Variants in NAV3 observed in about 807,000 individuals in gnomAD.
The protein encoded by NAV3 is pore membrane and/or filament interacting like protein 1.
A neutral mutation model predicts 244.7 loss-of-function variants in NAV3; 87 were observed. The ratio of observed to expected loss-of-function variants is 0.36; its 90% CI spans 0.30 to 0.42. The LOEUF is 0.42. Ranked by LOEUF, NAV3 falls within the 20% of genes least tolerant of loss-of-function variation. NAV3 has a pLI of 1.00. For synonymous variants in NAV3, 1,126 were observed against 1,042.2 expected, an observed-to-expected ratio of 1.08 and a Z score of -1.55; for missense variants, 2,663 against 2,893.3, an observed-to-expected ratio of 0.92 and a Z score of 1.83.
At chr12:77,737,788 C>T (rs962503301) in intron 2 of NAV3, among the ~76,000 whole-genome samples, 2 of 152,234 alleles carry the variant, frequency 1.3e-5, no homozygotes, top group African/African-American at 4.8e-5. Flanking sequence ...AAGAATTCAA[C>T]AGCCACTGTT....
chr12:77,661,501 T>G (rs749650464), intron 2 of NAV3, among the ~76,000 whole-genome samples: 50 of 152,122 alleles, frequency 3.3e-4, no homozygotes, highest in Non-Finnish European at 6.3e-4. Context: ...CTCTGTGGCT[T>G]GTCTTTTCAC....
intron 2 of NAV3, among the ~76,000 whole-genome samples, chr12:77,785,236 C>T (rs1870849011): frequency 6.6e-6 from 1 of 152,030 alleles, no homozygotes; most frequent in South Asian, 2.1e-4. Context: ...ACTTGTTCAG[C>T]ATTTGAAAAG....
At chr12:77,879,277 T>C (rs1882285882) in intron 1 of NAV3, among the ~76,000 whole-genome samples, 1 of 152,190 alleles carries the variant, frequency 6.6e-6, no homozygotes, top group South Asian at 2.1e-4. Flanking sequence ...ATAAACTCTT[T>C]ACACACTACA....
chr12:77,896,501 T>C (rs1884645109), intron 1 of NAV3, among the ~76,000 whole-genome samples: 1 of 152,150 alleles, frequency 6.6e-6, no homozygotes, highest in African/African-American at 2.4e-5. Context: ...ATATAAATAA[T>C]TGATGTGGAA....
At chr12:77,915,795 C>T (rs1014034402) in intron 1 of NAV3, among the ~76,000 whole-genome samples, 3 of 151,898 alleles carry the variant, frequency 2.0e-5, no homozygotes, top group African/African-American at 7.2e-5. Context: ...TTCCTGAATT[C>T]CCCATTCATT....
At chr12:77,787,749 G>A (rs1210527178) in intron 2 of NAV3, among the ~76,000 whole-genome samples, 2 of 152,230 alleles carry the variant, frequency 1.3e-5, no homozygotes, top group East Asian at 1.9e-4. Context: ...ACCATATCAT[G>A]GGGAAAACTG....
intron 2 of NAV3, among the ~76,000 whole-genome samples, chr12:77,757,465 A>G (rs1341321499): frequency 1.3e-5 from 2 of 152,220 alleles, no homozygotes; most frequent in African/African-American, 4.8e-5. Flanking sequence ...TTCATTCCTT[A>G]AACATATATT....
rs1892268392 is a variant in NAV3, at chr12:77,963,897, TTC to T, written c.415-2329_415-2328del. Among the ~76,000 whole-genome samples the T allele has an allele frequency of 3.1e-4, 6 of 19,320 alleles. No homozygotes were observed. The South Asian group carries it at 0.012, about 40-fold the overall frequency. The allele number at this position is 19,320 out of a possible 152,430, so 12.7% of individuals were successfully genotyped here. A position where few individuals can be genotyped will look rare whatever the true frequency, so the allele number is the denominator to read the frequency against. ...CTTCCTTCCTTCTCCTTCCTTCTCC[TTC>T]TCCTTCCTTCTCCTTCTCCTTCCTT... On this transcript the variant is annotated intron_variant, in intron 3 of 39. Coordinates refer to ENST00000397909, the MANE Select transcript of NAV3 (RefSeq NM_001024383.2).
At chr12:78,142,024 G>A (rs1359306556) in intron 20 of NAV3, among the ~76,000 whole-genome samples, 1 of 151,972 alleles carries the variant, frequency 6.6e-6, no homozygotes, top group Non-Finnish European at 1.5e-5. Context: ...GAAGAAATAA[G>A]GTCTAGTGAT....
chr12:77,794,829 C>T (rs186204037), intron 2 of NAV3, among the ~76,000 whole-genome samples: 3 of 152,284 alleles, frequency 2.0e-5, no homozygotes, highest in Admixed American at 6.5e-5. Context: ...CAGCACAAAT[C>T]GTGCTCATAA....
At chr12:77,745,507 G>C (rs956396020) in intron 2 of NAV3, among the ~76,000 whole-genome samples, 2 of 152,048 alleles carry the variant, frequency 1.3e-5, no homozygotes, top group African/African-American at 4.8e-5. Flanking sequence ...AAGATAACCA[G>C]ATATTCAGGG....
chr12:77,647,738 G>A (rs1156527951), intron 2 of NAV3, among the ~76,000 whole-genome samples: 1 of 151,946 alleles, frequency 6.6e-6, no homozygotes, highest in Non-Finnish European at 1.5e-5. Context: ...TATTATAGAT[G>A]TACCATTTTT....
chr12:77,605,044 G>T (rs1183859916), intron 2 of NAV3, among the ~76,000 whole-genome samples: 1 of 152,060 alleles, frequency 6.6e-6, no homozygotes, highest in East Asian at 1.9e-4. Flanking sequence ...TCAATACCAA[G>T]GGGACAGGAG....
rs147712557 is a variant in NAV3, at chr12:77,734,246, C to T, written c.72+161980C>T. On this transcript the variant is annotated intron_variant, in intron 2 of 8. Coordinates refer to the NAV3 transcript ENST00000550042. ...CTCTGCTTTTGTTACATTCTATTTT[C>T]GATGAACCAGTCATTTCTTTTTTTT... 2.5e-4 allele frequency among the ~76,000 whole-genome samples: 38 copies of T among 151,902 alleles called. 1 individual carries two copies. In the East Asian group the frequency reaches 2.5e-3, roughly 10 times the overall value.
Position 78,007,343 on chromosome 12 carries a change from C to G in NAV3, c.1805C>G (p.Ala602Gly), listed in dbSNP as rs753292610. The change falls in exon 8 of 40, where the codon GCA (alanine) becomes GGA (glycine). Residue 602 changes from alanine (A) to glycine (G), a missense_variant. Around this residue, in one of 6 missense-constraint regions of NAV3, gnomAD observed 1,521 missense variants for 1,497.0 expected, o/e 1.02. Transcript: ENST00000397909. ...TCTGGTTCCTGTACCATGACAGTGG[C>G]ACAAAGCAGTGGGCAGAGCACAGGA... is the stretch of plus-strand genomic sequence containing the variant. ...SPSGSCTMTV[A>G]QSSGQSTGNG... 2.5e-6 allele frequency: 4 copies of G among 1,614,040 alleles called. No homozygotes were observed. The East Asian group carries it at 8.9e-5, about 36-fold the overall frequency.
intron 5 of NAV3, among the ~76,000 whole-genome samples, chr12:77,976,089 T>C (rs1413523588): frequency 2.0e-5 from 3 of 152,164 alleles, no homozygotes; most frequent in Non-Finnish European, 4.4e-5. Flanking sequence ...CGATATAGTA[T>C]TAGCTGTTGG....
intron 5 of NAV3, among the ~76,000 whole-genome samples, chr12:77,981,925 T>C (rs1329507980): frequency 2.0e-5 from 3 of 152,122 alleles, no homozygotes; most frequent in Non-Finnish European, 4.4e-5. Flanking sequence ...ATTTCTTCTC[T>C]TGTGATATGT....
chr12:77,899,726 G>A (rs1787500611), intron 1 of NAV3, among the ~76,000 whole-genome samples: 1 of 152,016 alleles, frequency 6.6e-6, no homozygotes, highest in Admixed American at 6.5e-5. Flanking sequence ...ATAAAATGAG[G>A]CATATTTTAC....
At chr12:78,084,772 G>A (rs550194471) in intron 12 of NAV3, among the ~76,000 whole-genome samples, 82 of 152,092 alleles carry the variant, frequency 5.4e-4, no homozygotes, top group Non-Finnish European at 3.1e-4. Context: ...ATTAAGGTTA[G>A]CAATGGCTTT....
Sources: allele counts gnomAD v4.1 joint callset (sites outside exome capture counted in the v4.1 genomes callset), GRCh38; gene constraint gnomAD v4.1.1; regional missense constraint gnomAD v4.1.1; transcripts MANE v1.5; gene names NCBI Gene and HGNC (gene_info 2026-07-23, HGNC 2026-07-21).